FANCL: variants seen among roughly 807,000 people sequenced by gnomAD.
FANCL encodes FA complementation group L.
FANCL carries 69 observed loss-of-function variants against 59.4 expected under a neutral mutation model. The ratio of observed to expected loss-of-function variants is 1.16; its 90% confidence interval spans 0.96 to 1.42. The LOEUF (loss-of-function observed/expected upper bound fraction) is 1.42, where lower values mean the gene tolerates loss of function less well. Ranked by LOEUF, FANCL falls within the 40% of genes most tolerant of loss-of-function variation. The probability of loss-of-function intolerance (pLI) is 0.00; values close to 1 mark genes in which losing one functional copy is unlikely to be tolerated. For missense variants in FANCL, 519 were observed against 447.2 expected (o/e 1.16, Z -1.45); for synonymous variants, 180 against 147.1 (o/e 1.22, Z -1.62).
intron 7 of FANCL, among the ~76,000 whole-genome samples, chr2:58,180,041 A>C (rs942662335): frequency 2.0e-5 from 3 of 152,230 alleles, no homozygotes; most frequent in Non-Finnish European, 4.4e-5. Flanking sequence ...CATGCCAGTT[A>C]GAATGGCGAT....
chr2:58,229,709 T>C (rs1693387587), intron 3 of FANCL, 105 bp downstream of exon 3: 1 of 858,414 alleles, frequency 1.2e-6, no homozygotes, highest in Non-Finnish European at 1.9e-6. Context: ...TAACAACTAT[T>C]AAACCAGTTT....
chr2:58,221,026 AC>A (rs1291076230), intron 5 of FANCL, among the ~76,000 whole-genome samples: 1 of 151,900 alleles, frequency 6.6e-6, no homozygotes, highest in African/African-American at 2.4e-5. Context: ...ATCCTGGCTA[AC>A]ACGGTGAAAC....
At chr2:58,229,055 A>G (rs1693315731) in intron 3 of FANCL, among the ~76,000 whole-genome samples, 1 of 152,210 alleles carries the variant, frequency 6.6e-6, no homozygotes. Context: ...CATTCTATAA[A>G]TCAAATAGTT....
intron 7 of FANCL, among the ~76,000 whole-genome samples, chr2:58,189,911 A>ATTATT (rs1210462781): frequency 6.6e-6 from 1 of 152,040 alleles, no homozygotes; most frequent in Non-Finnish European, 1.5e-5. Flanking sequence ...CTTGCAGATA[A>ATTATT]ATCCCCTAAT....
chr2:58,212,412 G>A (rs2105210910), intron 5 of FANCL, among the ~76,000 whole-genome samples: 1 of 152,276 alleles, frequency 6.6e-6, no homozygotes, highest in Non-Finnish European at 1.5e-5. Context: ...TGAGATTTGG[G>A]TGGGGACACA....
intron 3 of FANCL, among the ~76,000 whole-genome samples, chr2:58,228,587 C>T (rs1693264296): frequency 1.3e-5 from 2 of 152,208 alleles, no homozygotes; most frequent in African/African-American, 4.8e-5. Context: ...AATTGAGTAG[C>T]TGCAACAGAG....
At chr2:58,221,175 G>A (rs759588855) in intron 5 of FANCL, among the ~76,000 whole-genome samples, 13 of 151,568 alleles carry the variant, frequency 8.6e-5, no homozygotes, top group Non-Finnish European at 1.9e-4. Context: ...GCAACAGAGC[G>A]AGACTCGGTC....
At chr2:58,205,691 A>C (rs1265767305) in intron 5 of FANCL, among the ~76,000 whole-genome samples, 2 of 152,248 alleles carry the variant, frequency 1.3e-5, no homozygotes, top group African/African-American at 4.8e-5. Flanking sequence ...AGGAAAATGT[A>C]GAGTAGTTAA....
At chr2:58,196,566 C>A (rs1689442100) in intron 7 of FANCL, among the ~76,000 whole-genome samples, 1 of 151,618 alleles carries the variant, frequency 6.6e-6, no homozygotes, top group Non-Finnish European at 1.5e-5. Context: ...AATATTTATT[C>A]CATGCTTATA....
intron 7 of FANCL, chr2:58,194,374 C>A (rs1159291126): frequency 2.2e-6 from 1 of 458,178 alleles, no homozygotes; most frequent in African/African-American, 2.0e-5. Flanking sequence ...ATTTACACAT[C>A]TGACCTGTAT....
chr2:58,171,021 C>T (rs1422431025), intron 7 of FANCL, among the ~76,000 whole-genome samples: 6 of 152,058 alleles, frequency 3.9e-5, no homozygotes, highest in African/African-American at 1.4e-4. Context: ...CTGGACCAAG[C>T]AGACCTAATA....
rs1688007134 is a variant in FANCL at position 58,182,262 on chromosome 2, C to T, written c.540+16332G>A. Among the ~76,000 whole-genome samples, 3 of 151,720 alleles carry T rather than the reference C, an allele frequency of 2.0e-5. No individual in the cohort carries two copies. The South Asian group carries it at 6.2e-4, about 32-fold the overall frequency. On this transcript the variant is annotated intron_variant, in intron 7 of 13. Transcript: ENST00000233741. ...TATACAAATTCTATTCCACCCATTC[C>T]TTTTTAATTGATATTAGTTCAATAC...
chr2:58,200,978 T>C (rs575887634), intron 6 of FANCL, among the ~76,000 whole-genome samples: 1 of 151,446 alleles, frequency 6.6e-6, no homozygotes, highest in South Asian at 2.1e-4. Context: ...TTTGTTTATA[T>C]AACAAACCTC....
rs1684725945 is a variant in FANCL at position 58,159,489 on chromosome 2, A to T, written c.*276T>A. ...ATCAAGATTTTACCAGTCCAGATATATTCAAGAAGTCAAGATCTCCATCTT... is the reference window on the plus strand; with the variant it reads ...ATCAAGATTTTACCAGTCCAGATATTTTCAAGAAGTCAAGATCTCCATCTT... On this transcript the variant is annotated 3_prime_UTR_variant, in exon 14 of 14. Coordinates refer to ENST00000233741, the MANE Select transcript of FANCL (RefSeq NM_018062.4). The T allele has an allele frequency of 1.1e-5, 18 of 1,613,746 alleles. No individual in the cohort carries two copies. Among genetic ancestry groups the T allele is most frequent in the Non-Finnish European group, 1.4e-5 (17 of 1,179,784 alleles).
rs2103919789 is a variant in FANCL at position 58,232,065 on chromosome 2, C to T, written c.144G>A (p.Leu48=). 1 of 1,613,290 alleles carries T rather than the reference C, an allele frequency of 6.2e-7. No individual in the cohort carries two copies. The highest frequency in any genetic ancestry group is 1.7e-4 in the Middle Eastern group (1 of 6,056). ...LRIVLPEDLQ[L]KNARLLCSWQ... is the part of the protein sequence containing the mutation. Reference sequence around the variant, plus strand: ...AAACACCATATCACCTTGCATTCTTCAGTTGTAAATCTTCAGGCAACACTA... The same window carrying T: ...AAACACCATATCACCTTGCATTCTTTAGTTGTAAATCTTCAGGCAACACTA... The change falls in exon 2 of 14, where the codon CTG becomes CTA. Residue 48 remains leucine (L), a synonymous_variant. Transcript: ENST00000233741.
chr2:58,229,529 T>G (rs912719491), intron 3 of FANCL, among the ~76,000 whole-genome samples: 1 of 152,116 alleles, frequency 6.6e-6, no homozygotes, highest in African/African-American at 2.4e-5. Context: ...TCACCACCAT[T>G]CAGTCTCAGA....
At chr2:58,221,886 T>C (rs1208803538) in intron 5 of FANCL, 56 bp downstream of exon 5, 6 of 1,255,504 alleles carry the variant, frequency 4.8e-6, no homozygotes, top group Non-Finnish European at 6.9e-6. Flanking sequence ...TAGAAATACA[T>C]TAAGTTAAAA....
rs751857451 is a variant in FANCL at position 58,163,424 on chromosome 2, G to A, written c.775+10C>T. Reference sequence around the variant, plus strand: ...TCTATTAAAAAACGTTTAAATCTCAGATGTCATACCATGGTCAGCTCCAAG... The same window carrying A: ...TCTATTAAAAAACGTTTAAATCTCAAATGTCATACCATGGTCAGCTCCAAG... On this transcript the variant is annotated intron_variant, in intron 9 of 13. Transcript: ENST00000233741. 2 of 1,586,576 alleles carry A rather than the reference G, an allele frequency of 1.3e-6. No individual in the cohort carries two copies. The highest frequency in any genetic ancestry group is 1.1e-5 in the South Asian group (1 of 90,438).
At chr2:58,168,827 C>T (rs1686230519) in intron 7 of FANCL, among the ~76,000 whole-genome samples, 1 of 152,076 alleles carries the variant, frequency 6.6e-6, no homozygotes, top group Admixed American at 6.5e-5. Context: ...TATACAATGC[C>T]ACGAGGAAGC....
Sources: gnomAD v4.1 joint callset for allele counts (sites outside exome capture counted in the v4.1 genomes callset) on GRCh38, gnomAD v4.1.1 for gene constraint, MANE v1.5 for transcripts, NCBI Gene and HGNC (gene_info 2026-07-23, HGNC 2026-07-21) for gene names.